Variants in ATM observed in about 807,000 individuals in gnomAD.
The protein encoded by ATM is ATM serine/threonine kinase.
A neutral mutation model predicts 387.0 loss-of-function variants in ATM; 308 were observed. The ratio of observed to expected loss-of-function variants is 0.80; its 90% confidence interval spans 0.73 to 0.87. ATM has a LOEUF of 0.87. Ranked by LOEUF, ATM falls within the 40% of genes least tolerant of loss-of-function variation. The pLI is 0.00. For synonymous variants in ATM, 1,156 were observed against 1,187.3 expected (o/e 0.97, Z 0.54); for missense variants, 3,312 against 3,560.9 (o/e 0.93, Z 1.78).
rs760676955 is a variant in ATM, at chr11:108,250,805, G to T, written c.1340G>T (p.Arg447Leu). ...MILSQLLPQQ[R>L]HGERTPYVLR... is the part of the protein sequence containing the mutation. The stretch of plus-strand genomic sequence containing the variant: ...CTATCTCAGCTTCTACCCCAACAGC[G>T]ACATGGGGAACGTACACCATATGTG... Residue 447 changes from arginine to leucine, a missense_variant, in exon 10 of 63, where the codon CGA becomes CTA. Physicochemically the swap from Arg to Leu is moderately radical, Grantham distance 102. Coordinates refer to ENST00000675843, the MANE Select transcript of ATM (RefSeq NM_000051.4). 1 of 1,613,726 alleles carries T rather than the reference G, an allele frequency of 6.2e-7. No individual in the cohort carries two copies.
In ATM at chr11:108,282,751, A is replaced by G. The variant is rs786201151; in HGVS notation, c.3618A>G (p.Leu1206=). 1.2e-6 allele frequency: 2 copies of G among 1,613,530 alleles called. No homozygotes were observed. The highest frequency in any genetic ancestry group is 1.7e-6 in the Non-Finnish European group (2 of 1,179,682). ...KVSETFGYRR[L]EDFMASHLDY... is the part of the protein sequence containing the mutation. ...CTGAAACTTTTGGATATAGACGTTT[A>G]GAAGACTTTATGGCATCTCATTTAG... Residue 1206 remains leucine (L), a synonymous_variant, in exon 25 of 63, where the codon TTA becomes TTG. Transcript: ENST00000675843.
rs755507979 is a variant in ATM at position 108,320,029 on chromosome 11, T to C, written c.6423T>C (p.Ser2141=). 6.2e-7 allele frequency: 1 copy of C among 1,608,254 alleles called. No homozygotes were observed. The change falls in exon 44 of 63, where the codon TCT becomes TCC. Residue 2141 remains serine, a synonymous_variant. Transcript: ENST00000675843. ...ALQSLRDREF[S]TFYESLKYAR... The stretch of plus-strand genomic sequence containing the variant: ...AATCTCTAAGAGACAGAGAATTCTC[T>C]ACATTTTATGAAAGTCTCAAATATG...
chr11:108,340,246 C>T (rs1389969226), intron 56 of ATM: 1 of 152,194 alleles, frequency 6.6e-6, no homozygotes, highest in African/African-American at 2.4e-5. Context: ...CACTCAGTTT[C>T]AGCAGTTACC....
intron 18 of ATM, among the ~76,000 whole-genome samples, chr11:108,269,192 C>A (rs2081434436): frequency 6.6e-6 from 1 of 152,168 alleles, no homozygotes; most frequent in Admixed American, 6.5e-5. Context: ...ACAGTATAAT[C>A]ATCAAAATCA....
intron 4 of ATM, among the ~76,000 whole-genome samples, chr11:108,234,203 G>A (rs2079157574): frequency 6.6e-6 from 1 of 152,174 alleles, no homozygotes; most frequent in Non-Finnish European, 1.5e-5. Flanking sequence ...CTAAAATTAT[G>A]AAGTGAGCCA....
At position 108,345,022 on chromosome 11, in the gene ATM, T is replaced by G. The variant is rs538486338; in HGVS notation, c.8419-721T>G. On this transcript the variant is annotated intron_variant, in intron 57 of 62. Coordinates refer to ENST00000675843, the MANE Select transcript of ATM (RefSeq NM_000051.4). Reference sequence around the variant, plus strand: ...ACCCTGTCTCCAAAAAAAAAAAATGTTGGAGAAAAGGAGTAGCCAGTGCCT... The same window carrying G: ...ACCCTGTCTCCAAAAAAAAAAAATGGTGGAGAAAAGGAGTAGCCAGTGCCT... Among the ~76,000 whole-genome samples, 12 of 151,468 alleles carry G rather than the reference T, an allele frequency of 7.9e-5. No individual in the cohort carries two copies. In the East Asian group the frequency reaches 2.3e-3, roughly 29 times the overall value.
In ATM at chr11:108,289,762, G is replaced by A. The variant is rs749770110; in HGVS notation, c.4397G>A (p.Arg1466Gln). The A allele has an allele frequency of 4.3e-6, 7 of 1,613,390 alleles. No individual in the cohort carries two copies. Among genetic ancestry groups the A allele is most frequent in the Admixed American group, 3.3e-5 (2 of 60,002 alleles). ...GLGGAWAFVL[R>Q]DVIYTLIHYI... ...GGAGGAGCTTGGGCCTTTGTTCTTC[G>A]AGACGTTATTTATACTTTGATTCAC... Residue 1466 changes from arginine to glutamine, a missense_variant, in exon 29 of 63, where the codon CGA (arginine) becomes CAA (glutamine). Physicochemically the swap from Arg to Gln is conservative, Grantham distance 43 (BLOSUM62 1). Transcript: ENST00000675843.
chr11:108,321,953 A>C (rs567081787), intron 45 of ATM, among the ~76,000 whole-genome samples: 1 of 152,274 alleles, frequency 6.6e-6, no homozygotes. Flanking sequence ...TTTTCTCTTT[A>C]TAACTTTTTC....
At chr11:108,315,649 C>T (rs895727441) in intron 40 of ATM, among the ~76,000 whole-genome samples, 174 bp from the exon 41 acceptor site, 5 of 152,106 alleles carry the variant, frequency 3.3e-5, no homozygotes, top group East Asian at 1.9e-4. Flanking sequence ...AGTTCAAACT[C>T]GTGTTGTTTG....
At chr11:108,341,502 G>A (rs909164773) in intron 56 of ATM, among the ~76,000 whole-genome samples, 4 of 152,070 alleles carry the variant, frequency 2.6e-5, no homozygotes, top group Middle Eastern at 3.2e-3. Flanking sequence ...CCCTAGCCCT[G>A]TGTGTAACAT....
At chr11:108,240,429 TTC>T (rs1293075274) in intron 5 of ATM, among the ~76,000 whole-genome samples, 1 of 152,168 alleles carries the variant, frequency 6.6e-6, no homozygotes, top group Non-Finnish European at 1.5e-5. Flanking sequence ...TGTGGATATG[TTC>T]TGAGAAATAC....
chr11:108,318,768 G>A (rs2084968684), intron 43 of ATM, among the ~76,000 whole-genome samples: 1 of 152,092 alleles, frequency 6.6e-6, no homozygotes, highest in Non-Finnish European at 1.5e-5. Flanking sequence ...TTTTCTGAAT[G>A]AAAAGCCAAG....
In ATM at chr11:108,301,643, T is replaced by A; in HGVS notation, c.5178-5T>A. 3.7e-6 allele frequency: 6 copies of A among 1,613,590 alleles called. No individual in the cohort carries two copies. Among genetic ancestry groups the A allele is most frequent in the Non-Finnish European group, 5.1e-6 (6 of 1,179,648 alleles). On this transcript the variant is annotated splice_polypyrimidine_tract_variant and splice_region_variant and intron_variant, in intron 34 of 62. Transcript: ENST00000675843. ...CTTGATAGGCATTTGAATTGTTTTT[T>A]TCAGTGTCAAAGTTCGATCAGCAGC...
At chr11:108,354,895 G>A (rs2137357409) in intron 61 of ATM, 21 bp downstream of exon 61, 1 of 1,594,584 alleles carries the variant, frequency 6.3e-7, no homozygotes, top group Non-Finnish European at 8.6e-7. Flanking sequence ...TTATAAGGAA[G>A]ACTTTATTTT....
chr11:108,227,303 G>A (rs1343103921), intron 1 of ATM: 15 of 269,774 alleles, frequency 5.6e-5, no homozygotes, highest in East Asian at 3.5e-4. Context: ...GAGCCACTGC[G>A]TCCAGTGTAA....
At position 108,272,850 on chromosome 11, in the gene ATM, T is replaced by C; in HGVS notation, c.3282T>C (p.Asn1094=). The stretch of plus-strand genomic sequence containing the variant: ...GCATGTTGGCTGCAGAGTCAATCAA[T>C]AGGTAATGGGTCAAATATTCATGAA... ...QVRMLAAESI[N]RLFQDTKGDS... Residue 1094 remains asparagine, a splice_region_variant and synonymous_variant, in exon 22 of 63, where the codon AAT becomes AAC. Transcript: ENST00000675843. 6.2e-7 allele frequency: 1 copy of C among 1,613,956 alleles called. No homozygotes were observed. Among genetic ancestry groups the C allele is most frequent in the Non-Finnish European group, 8.5e-7 (1 of 1,179,992 alleles).
chr11:108,274,894 C>T (rs958835924), intron 22 of ATM, among the ~76,000 whole-genome samples: 1 of 152,096 alleles, frequency 6.6e-6, no homozygotes, highest in Non-Finnish European at 1.5e-5. Context: ...CTGCTTGGTC[C>T]AGAGTTCGGT....
intron 61 of ATM, among the ~76,000 whole-genome samples, chr11:108,357,062 C>T (rs536881404): frequency 6.6e-6 from 1 of 152,244 alleles, no homozygotes; most frequent in South Asian, 2.1e-4. Flanking sequence ...GAGCGCCAGA[C>T]AGTGGGCGCA....
chr11:108,316,168 T>C, intron 42 of ATM, 55 bp downstream of exon 42: 1 of 1,471,636 alleles, frequency 6.8e-7, no homozygotes. Flanking sequence ...CTGAGGTTAT[T>C]TCAGTATGTT....
Sources: allele counts gnomAD v4.1 joint callset (sites outside exome capture counted in the v4.1 genomes callset), GRCh38; gene constraint gnomAD v4.1.1; transcripts MANE v1.5; gene names NCBI Gene and HGNC (gene_info 2026-07-23, HGNC 2026-07-21).